F13A1: variants seen among roughly 807,000 people sequenced by gnomAD.
F13A1 encodes the protein coagulation factor XIII A chain.
F13A1 carries 47 observed loss-of-function variants against 80.1 expected under a neutral mutation model. That is an observed-to-expected ratio of 0.59 (90% CI 0.46 to 0.75). The LOEUF (loss-of-function observed/expected upper bound fraction) is 0.75. Ranked by LOEUF, F13A1 falls within the 30% of genes least tolerant of loss-of-function variation. The probability of loss-of-function intolerance (pLI) is 0.00; values close to 1 mark genes in which losing one functional copy is unlikely to be tolerated. For synonymous variants in F13A1, 349 were observed against 344.9 expected (o/e 1.01, Z -0.13); for missense variants, 817 against 930.4 (o/e 0.88, Z 1.59).
At chr6:6,311,968 A>G (rs893612692) in intron 2 of F13A1, among the ~76,000 whole-genome samples, 4 of 147,850 alleles carry the variant, frequency 2.7e-5, no homozygotes, top group Middle Eastern at 3.6e-3. Flanking sequence ...TATTGTTTAC[A>G]TATTATAAAC....
chr6:6,294,201 C>CA (rs1425255904), intron 3 of F13A1, among the ~76,000 whole-genome samples: 3 of 152,054 alleles, frequency 2.0e-5, no homozygotes, highest in Non-Finnish European at 2.9e-5. Context: ...TAGGTGTTGC[C>CA]AAAAGAGATT....
At chr6:6,170,010 C>T (rs2151073567) in intron 12 of F13A1, among the ~76,000 whole-genome samples, 1 of 152,280 alleles carries the variant, frequency 6.6e-6, no homozygotes, top group Admixed American at 6.5e-5. Flanking sequence ...TAAGCCTGGA[C>T]CCTGCTTCCT....
intron 8 of F13A1, among the ~76,000 whole-genome samples, chr6:6,207,087 A>G (rs993344746): frequency 6.6e-6 from 1 of 152,122 alleles, no homozygotes; most frequent in Admixed American, 6.5e-5. Context: ...CATTTATTCA[A>G]GGAAAAAAAC....
At chr6:6,299,975 C>G (rs1346350374) in intron 3 of F13A1, among the ~76,000 whole-genome samples, 7 of 147,222 alleles carry the variant, frequency 4.8e-5, no homozygotes, top group Non-Finnish European at 1.0e-4. Context: ...ACAGACAGGA[C>G]ACTCAGCTGC....
At chr6:6,319,943 C>A (rs1289268621) in intron 1 of F13A1, among the ~76,000 whole-genome samples, 1 of 152,178 alleles carries the variant, frequency 6.6e-6, no homozygotes, top group Non-Finnish European at 1.5e-5. Flanking sequence ...GAGAGCCATC[C>A]TCTAGTGAGA....
Position 6,145,660 on chromosome 6 carries a change from C to T in F13A1, c.2158G>A (p.Gly720Ser), listed in dbSNP as rs866727278. ...CTTTGAATCTGCACGTCCAGCTCGC[C>T]ATACACATGTCTCAGGGAGTCACTG... ...MSSDSLRHVY[G>S]ELDVQIQRRP... The change falls in exon 15 of 15, where the codon GGC (glycine) becomes AGC (serine). Residue 720 changes from glycine (G) to serine (S), a missense_variant. Transcript: ENST00000264870. 3.7e-6 allele frequency: 6 copies of T among 1,614,046 alleles called. No individual in the cohort carries two copies. Among genetic ancestry groups the T allele is most frequent in the Non-Finnish European group, 5.1e-6 (6 of 1,180,028 alleles).
At chr6:6,229,301 A>G (rs1401395141) in intron 6 of F13A1, among the ~76,000 whole-genome samples, 1 of 152,184 alleles carries the variant, frequency 6.6e-6, no homozygotes, top group Non-Finnish European at 1.5e-5. Flanking sequence ...TTTTCTCACA[A>G]CCTTTTAGGA....
chr6:6,212,738 G>A (rs914685445), intron 8 of F13A1, among the ~76,000 whole-genome samples: 32 of 152,130 alleles, frequency 2.1e-4, no homozygotes, highest in Middle Eastern at 3.2e-3. Flanking sequence ...TCCGAGCTAC[G>A]GGAGGACATT....
chr6:6,249,807 A>T (rs1025364498), intron 5 of F13A1, among the ~76,000 whole-genome samples: 1 of 152,220 alleles, frequency 6.6e-6, no homozygotes, highest in Non-Finnish European at 1.5e-5. Flanking sequence ...CCAGGGAGTC[A>T]GGCAGGAATC....
At chr6:6,224,554 C>A (rs1450890212) in intron 7 of F13A1, 132 bp downstream of exon 7, 9 of 799,718 alleles carry the variant, frequency 1.1e-5, no homozygotes, top group Non-Finnish European at 1.9e-5. Flanking sequence ...TTGACTACAT[C>A]CCAGAATGGC....
chr6:6,224,493 A>C (rs1757247703), intron 7 of F13A1, among the ~76,000 whole-genome samples, 193 bp downstream of exon 7: 1 of 152,210 alleles, frequency 6.6e-6, no homozygotes, highest in African/African-American at 2.4e-5. Context: ...AAGATTCTGC[A>C]GTCAAAGAGA....
At position 6,248,328 on chromosome 6, in the gene F13A1, C is replaced by G. The variant is rs121913071; in HGVS notation, c.782G>C (p.Arg261Pro). 6.2e-7 allele frequency: 1 copy of G among 1,613,798 alleles called. No homozygotes were observed. ...GCTGCTTACCATTGCAGACCCCACACGGCTGACTTTGATGGGATTCCCTCT... is the reference window on the plus strand; with the variant it reads ...GCTGCTTACCATTGCAGACCCCACAGGGCTGACTTTGATGGGATTCCCTCT... ...SGRGNPIKVS[R>P]VGSAMVNAKD... Residue 261 changes from arginine (R) to proline (P), a missense_variant, in exon 6 of 15, where the codon CGT (arginine) becomes CCT (proline). Coordinates refer to ENST00000264870, the MANE Select transcript of F13A1 (RefSeq NM_000129.4).
intron 13 of F13A1, among the ~76,000 whole-genome samples, chr6:6,160,823 T>C (rs1454940916): frequency 6.6e-6 from 1 of 151,300 alleles, no homozygotes; most frequent in Non-Finnish European, 1.5e-5. Flanking sequence ...TAAAAACTCT[T>C]GGAAACAGTC....
chr6:6,254,786 T>C (rs34736558), intron 4 of F13A1, among the ~76,000 whole-genome samples: 42,704 of 152,086 alleles, frequency 0.28, 6,466 homozygotes, highest in East Asian at 0.53. Context: ...ATACTTTAAA[T>C]GGATGACATT....
chr6:6,301,337 C>A (rs1758428397), intron 3 of F13A1, among the ~76,000 whole-genome samples: 1 of 152,184 alleles, frequency 6.6e-6, no homozygotes, highest in Non-Finnish European at 1.5e-5. Context: ...TCGAAGTGTG[C>A]TTAATTTCTA....
rs111622535 is a variant in F13A1 at position 6,161,551 on chromosome 6, T to TGA, written c.1908+5905_1908+5906dup. Reference sequence around the variant, plus strand: ...GTGTGTGTGTGTGTGTGTGTGTGTGTGAGAGAGAGAGAGAGAGAGAGAGAG... The same window carrying TGA: ...GTGTGTGTGTGTGTGTGTGTGTGTGTGAGAGAGAGAGAGAGAGAGAGAGAGAG... On this transcript the variant is annotated intron_variant, in intron 13 of 14. Coordinates refer to ENST00000264870, the MANE Select transcript of F13A1 (RefSeq NM_000129.4). Among the ~76,000 whole-genome samples, 1,446 of 146,332 alleles carry TGA rather than the reference T, an allele frequency of 9.9e-3. 16 individuals are homozygous for TGA. The highest frequency in any genetic ancestry group is 0.02 in the South Asian group (92 of 4,594).
chr6:6,294,716 T>A (rs1283861640), intron 3 of F13A1, among the ~76,000 whole-genome samples: 1 of 126,818 alleles, frequency 7.9e-6, no homozygotes, highest in Non-Finnish European at 1.9e-5. Context: ...AGAGATTCTT[T>A]TTTTTTTAGT....
chr6:6,210,970 A>C (rs1215514595), intron 8 of F13A1, among the ~76,000 whole-genome samples: 1 of 152,004 alleles, frequency 6.6e-6, no homozygotes, highest in Admixed American at 6.5e-5. Flanking sequence ...ATCTCAAGTG[A>C]TCCTCCTGCA....
At chr6:6,177,939 A>G (rs1760911203) in intron 11 of F13A1, among the ~76,000 whole-genome samples, 2 of 151,588 alleles carry the variant, frequency 1.3e-5, no homozygotes, top group Admixed American at 1.3e-4. Flanking sequence ...TCTGCATACA[A>G]TACCTGTGGG....
Sources: gnomAD v4.1 joint callset for allele counts (sites outside exome capture counted in the v4.1 genomes callset) on GRCh38, gnomAD v4.1.1 for gene constraint, MANE v1.5 for transcripts, NCBI Gene and HGNC (gene_info 2026-07-23, HGNC 2026-07-21) for gene names.